The following DNM3 variants were observed in gnomAD, a reference collection of about 807,000 sequenced individuals.
DNM3 encodes the protein dynamin-3.
A neutral mutation model predicts 101.6 loss-of-function variants in DNM3; 47 were observed. That is an observed-to-expected ratio of 0.46 (90% confidence interval 0.37 to 0.59). The LOEUF (loss-of-function observed/expected upper bound fraction) is 0.59, where lower values mean the gene tolerates loss of function less well. Among genes scored for constraint, DNM3 ranks in the 20% least tolerant of loss-of-function variants. The pLI, the probability that DNM3 is intolerant of heterozygous loss-of-function variation, is 0.00. For missense variants in DNM3, 849 were observed against 1,085.7 expected (o/e 0.78, Z 3.06); for synonymous variants, 385 against 387.9 (o/e 0.99, Z 0.09).
At chr1:172,268,235 G>A (rs549643781) in intron 15 of DNM3, among the ~76,000 whole-genome samples, 1 of 150,114 alleles carries the variant, frequency 6.7e-6, no homozygotes, top group South Asian at 2.1e-4. Flanking sequence ...TGCTTTCCCT[G>A]TTAAGGGGCT....
intron 17 of DNM3, among the ~76,000 whole-genome samples, chr1:172,364,007 C>G (rs1420855769): frequency 1.3e-5 from 2 of 151,896 alleles, no homozygotes; most frequent in Admixed American, 6.6e-5. Context: ...GCTAATTACA[C>G]TTAGAGGCTA....
chr1:172,135,488 TTTTTTG>T (rs1488624328), intron 14 of DNM3, among the ~76,000 whole-genome samples: 1 of 152,102 alleles, frequency 6.6e-6, no homozygotes, highest in Non-Finnish European at 1.5e-5. Flanking sequence ...AGGTTAGTGT[TTTTTTG>T]TTTTTGTTTT....
At chr1:172,040,655 T>A (rs1047866524) in intron 7 of DNM3, among the ~76,000 whole-genome samples, 2 of 152,100 alleles carry the variant, frequency 1.3e-5, no homozygotes, top group Non-Finnish European at 2.9e-5. Flanking sequence ...AATGTTAATG[T>A]ACTGTGCCAA....
At chr1:172,107,344 T>C (rs953167306) in intron 13 of DNM3, among the ~76,000 whole-genome samples, 5 of 151,874 alleles carry the variant, frequency 3.3e-5, no homozygotes, top group African/African-American at 1.2e-4. Flanking sequence ...AGGACTTACA[T>C]GGACATCTTA....
intron 14 of DNM3, among the ~76,000 whole-genome samples, chr1:172,148,299 T>A (rs967100090): frequency 5.0e-5 from 6 of 121,066 alleles, no homozygotes; most frequent in African/African-American, 9.2e-5. Context: ...ATATTTGTAT[T>A]TTTTTTTTTT....
intron 1 of DNM3, among the ~76,000 whole-genome samples, chr1:171,870,494 A>C (rs921588903): frequency 6.6e-6 from 1 of 151,178 alleles, no homozygotes; most frequent in African/African-American, 2.4e-5. Flanking sequence ...ACAAACAAAC[A>C]AAAAAAAACC....
At chr1:172,231,496 A>C (rs2061335604) in intron 14 of DNM3, among the ~76,000 whole-genome samples, 1 of 152,160 alleles carries the variant, frequency 6.6e-6, no homozygotes, top group South Asian at 2.1e-4. Context: ...GATGGGGAAA[A>C]AACAGAGCAG....
In DNM3 at chr1:172,045,417, C is replaced by T. The variant is rs563456786; in HGVS notation, c.1196+965C>T. Among the ~76,000 whole-genome samples, 192 of 152,134 alleles carry T rather than the reference C, an allele frequency of 1.3e-3. 1 individual carries two copies. Among genetic ancestry groups the T allele is most frequent in the African/African-American group, 4.6e-3 (189 of 41,520 alleles). On this transcript the variant is annotated intron_variant, in intron 9 of 20. Transcript: ENST00000627582. ...CACAGTGCTGTCTTCTTATTCTGTC[C>T]TCATGTGGCAGAGAGAAAGCTAGTT...
At chr1:171,896,181 C>T (rs1336341663) in intron 1 of DNM3, among the ~76,000 whole-genome samples, 1 of 152,158 alleles carries the variant, frequency 6.6e-6, no homozygotes, top group Non-Finnish European at 1.5e-5. Context: ...TGAAGGAAGT[C>T]ATTGGTAGCT....
At chr1:171,938,056 C>A (rs561135261) in intron 2 of DNM3, among the ~76,000 whole-genome samples, 3 of 150,292 alleles carry the variant, frequency 2.0e-5, no homozygotes, top group Admixed American at 1.3e-4. Flanking sequence ...TTGAAATGAG[C>A]AATCGTTCTT....
At chr1:172,405,365 G>A (rs1174770492) in intron 20 of DNM3, among the ~76,000 whole-genome samples, 4 of 151,990 alleles carry the variant, frequency 2.6e-5, no homozygotes, top group South Asian at 2.1e-4. Context: ...GTAGGGTTAC[G>A]TGCTACGAGA....
At chr1:172,189,302 ATTC>A (rs936768373) in intron 14 of DNM3, among the ~76,000 whole-genome samples, 1 of 151,930 alleles carries the variant, frequency 6.6e-6, no homozygotes, top group Admixed American at 6.6e-5. Context: ...TCAGTCTCTG[ATTC>A]TTCTTCTTGA....
At chr1:172,110,686 C>T (rs1453006772) in intron 13 of DNM3, among the ~76,000 whole-genome samples, 1 of 152,192 alleles carries the variant, frequency 6.6e-6, no homozygotes, top group African/African-American at 2.4e-5. Flanking sequence ...ATTTAATTGT[C>T]ATTGCAGGTG....
At chr1:172,247,650 T>G (rs1253835463) in intron 14 of DNM3, among the ~76,000 whole-genome samples, 2 of 140,034 alleles carry the variant, frequency 1.4e-5, no homozygotes, top group African/African-American at 5.2e-5. Context: ...TACTCTATTA[T>G]TATTTCTTAT....
Position 172,216,540 on chromosome 1 carries a change from CTTG to C in DNM3, c.1660-37029_1660-37027del, listed in dbSNP as rs1415706929. 3.9e-5 allele frequency among the ~76,000 whole-genome samples: 6 copies of C among 152,056 alleles called. 1 individual carries two copies. Among genetic ancestry groups the C allele is most frequent in the African/African-American group, 1.4e-4 (6 of 41,412 alleles). On this transcript the variant is annotated intron_variant, in intron 14 of 20. Coordinates refer to ENST00000627582, the MANE Select transcript of DNM3 (RefSeq NM_015569.5). Reference sequence around the variant, plus strand: ...AGTTTATGTCTGAAGCCGAAAACTACTTGTTGATCTCTTAAATTCAAAAGGTTA... The same window carrying C: ...AGTTTATGTCTGAAGCCGAAAACTACTTGATCTCTTAAATTCAAAAGGTTA...
At chr1:172,073,648 C>A (rs912016652) in intron 11 of DNM3, among the ~76,000 whole-genome samples, 2 of 152,134 alleles carry the variant, frequency 1.3e-5, no homozygotes, top group African/African-American at 4.8e-5. Context: ...CTGATGCGTT[C>A]AAATGCTACC....
intron 17 of DNM3, among the ~76,000 whole-genome samples, chr1:172,351,075 G>A (rs949146788): frequency 5.9e-5 from 9 of 152,142 alleles, no homozygotes; most frequent in African/African-American, 1.4e-4. Flanking sequence ...TCAGACCTGT[G>A]TTGTTTGTAG....
chr1:172,024,736 A>G (rs10159066), intron 4 of DNM3, among the ~76,000 whole-genome samples: 353 of 152,356 alleles, frequency 2.3e-3, no homozygotes, highest in African/African-American at 8.2e-3. Context: ...AGAAGCTGGG[A>G]GGGACTGTGC....
intron 14 of DNM3, among the ~76,000 whole-genome samples, chr1:172,193,057 A>G (rs2059796263): frequency 6.6e-6 from 1 of 151,588 alleles, no homozygotes; most frequent in South Asian, 2.1e-4. Context: ...TGACTTTTTA[A>G]TGATTGCCAT....
Sources: gnomAD v4.1 joint callset for allele counts (sites outside exome capture counted in the v4.1 genomes callset) on GRCh38, gnomAD v4.1.1 for gene constraint, MANE v1.5 for transcripts, NCBI Gene and HGNC (gene_info 2026-07-23, HGNC 2026-07-21) for gene names.